Variants in ANKRD34B observed in about 807,000 individuals in gnomAD.
ANKRD34B encodes the protein ankyrin repeat domain-containing protein 34B.
Under a neutral mutation model 4.4 loss-of-function variants are expected in ANKRD34B, and 2 were observed. The ratio of observed to expected loss-of-function variants is 0.46; its 90% CI spans 0.19 to 1.44. ANKRD34B has a LOEUF of 1.44. Ranked by LOEUF, ANKRD34B falls within the 40% of genes most tolerant of loss-of-function variation. The pLI is 0.26. For synonymous variants in ANKRD34B, 226 were observed against 227.1 expected, an observed-to-expected ratio of 0.99 and a Z score of 0.05; for missense variants, 558 against 604.7, an observed-to-expected ratio of 0.92 and a Z score of 0.81.
In ANKRD34B at chr5:80,558,570, C is replaced by T; in HGVS notation, c.1450G>A (p.Val484Ile). The T allele has an allele frequency of 4.3e-6, 7 of 1,614,084 alleles. No individual in the cohort carries two copies. Among genetic ancestry groups the T allele is most frequent in the Middle Eastern group, 1.6e-4 (1 of 6,062 alleles). The change falls in exon 5 of 5, where the codon GTT (valine) becomes ATT (isoleucine). Residue 484 changes from valine to isoleucine, a missense_variant. Physicochemically the swap from Val to Ile is conservative, Grantham distance 29. Transcript: ENST00000338682. ...SCGQKVLMPT[V>I]PIFPKEFKSK... ...TTGAATTCTTTAGGGAAAATCGGAA[C>T]TGTTGGCATAAGCACTTTTTGACCA... is the stretch of plus-strand genomic sequence containing the variant.
Position 80,564,850 on chromosome 5 carries a change from T to C in ANKRD34B, c.-104-1035A>G, listed in dbSNP as rs545203469. Among the ~76,000 whole-genome samples the C allele has an allele frequency of 9.2e-5, 14 of 152,068 alleles. 1 individual carries two copies. Among genetic ancestry groups the C allele is most frequent in the African/African-American group, 3.1e-4 (13 of 41,488 alleles). On this transcript the variant is annotated intron_variant, in intron 3 of 4. Transcript: ENST00000338682. The stretch of plus-strand genomic sequence containing the variant: ...CCTCTGGAGTAGCTGGGATTACAGG[T>C]GTGTGCCACCACACCCAGCTAATTT...
chr5:80,567,637 G>GAAAAAAAAAAAAAAAAAAAAA (rs3045875), intron 2 of ANKRD34B, among the ~76,000 whole-genome samples: 1 of 91,698 alleles, frequency 1.1e-5, no homozygotes, highest in Non-Finnish European at 2.2e-5. Context: ...AAAAAAAAAA[G>GAAAAAAAAAAAAAAAAAAAAA]AAAAGAAAAG....
At position 80,559,603 on chromosome 5, in the gene ANKRD34B, A is replaced by G. The variant is rs1404791294; in HGVS notation, c.417T>C (p.Ser139=). ...EDTETLKVLL[S]ACKAKGKEVI... is the part of the protein sequence containing the mutation. The stretch of plus-strand genomic sequence containing the variant: ...CCTCTTTCCCTTTTGCCTTGCAAGC[A>G]CTAAGAAGAACTTTCAGGGTCTCTG... The change falls in exon 5 of 5, where the codon AGT becomes AGC. Residue 139 remains serine (S), a synonymous_variant. Coordinates refer to ENST00000338682, the MANE Select transcript of ANKRD34B (RefSeq NM_001004441.3). 3 of 1,614,226 alleles carry G rather than the reference A, an allele frequency of 1.9e-6. No homozygotes were observed. Among genetic ancestry groups the G allele is most frequent in the Non-Finnish European group, 2.5e-6 (3 of 1,180,050 alleles).
At chr5:80,565,469 C>G (rs1746537082) in intron 3 of ANKRD34B, among the ~76,000 whole-genome samples, 1 of 152,338 alleles carries the variant, frequency 6.6e-6, no homozygotes, top group East Asian at 1.9e-4. Context: ...AGGCATCCGA[C>G]AGGTGTCAAT....
chr5:80,566,212 C>T (rs1163183880), intron 3 of ANKRD34B, among the ~76,000 whole-genome samples: 1 of 152,074 alleles, frequency 6.6e-6, no homozygotes, highest in Non-Finnish European at 1.5e-5. Flanking sequence ...GAGGAGGCTG[C>T]AGGACATAGA....
intron 3 of ANKRD34B, among the ~76,000 whole-genome samples, chr5:80,566,150 C>A (rs1429746598): frequency 2.0e-5 from 3 of 152,056 alleles, no homozygotes; most frequent in Non-Finnish European, 4.4e-5. Flanking sequence ...CAATTTCAAA[C>A]AAGCTCTGGA....
At chr5:80,560,661 TA>T (rs1211972598) in intron 4 of ANKRD34B, among the ~76,000 whole-genome samples, 2 of 151,900 alleles carry the variant, frequency 1.3e-5, no homozygotes, top group Admixed American at 6.6e-5. Context: ...AACCTGTCTC[TA>T]AAAAAAATTA....
chr5:80,570,029 G>A (rs1040620196), intron 1 of ANKRD34B, 125 bp downstream of exon 1: 7 of 152,412 alleles, frequency 4.6e-5, no homozygotes, highest in African/African-American at 1.7e-4. Flanking sequence ...CACCGGGCAG[G>A]GAGCACTGAG....
intron 1 of ANKRD34B, 40 bp from the exon 2 acceptor site, chr5:80,569,147 CTCCAGGGCACCGATGGGG>C (rs1746677341): frequency 2.6e-5 from 4 of 152,426 alleles, no homozygotes; most frequent in African/African-American, 7.2e-5. Flanking sequence ...GGGGCGACAG[CTCCAGGGCACCGATGGGG>C]GCGGGGTGCG....
At position 80,559,008 on chromosome 5, in the gene ANKRD34B, C is replaced by T; in HGVS notation, c.1012G>A (p.Val338Ile). The T allele has an allele frequency of 6.2e-7, 1 of 1,614,196 alleles. No individual in the cohort carries two copies. The highest frequency in any genetic ancestry group is 1.3e-5 in the African/African-American group (1 of 75,048). The change falls in exon 5 of 5, where the codon GTC (valine) becomes ATC (isoleucine). Residue 338 changes from valine to isoleucine, a missense_variant. By Grantham distance (29) the Val-to-Ile change is conservative. Transcript: ENST00000338682. The stretch of plus-strand genomic sequence containing the variant: ...GAATCTGGGTCCTGGTCAACAGGGA[C>T]TTCAATGCATTGCTGATTTCCTTCT... ...LSEGNQQCIE[V>I]PVDQDPDSNQ...
chr5:80,568,492 G>A (rs1746642347), intron 2 of ANKRD34B, among the ~76,000 whole-genome samples: 1 of 152,162 alleles, frequency 6.6e-6, no homozygotes, highest in African/African-American at 2.4e-5. Context: ...GAGGTTTGCT[G>A]CCCTGCCTTT....
intron 2 of ANKRD34B, 39 bp downstream of exon 2, chr5:80,568,921 C>CAGAG (rs1414177718): frequency 4.1e-4 from 22 of 53,554 alleles, no homozygotes; most frequent in East Asian, 1.3e-3. Flanking sequence ...CACACACACA[C>CAGAG]ACACAGAGAG....
Position 80,559,701 on chromosome 5 carries a change from T to A in ANKRD34B, c.319A>T (p.Ser107Cys). The A allele has an allele frequency of 6.2e-7, 1 of 1,614,222 alleles. No individual in the cohort carries two copies. The highest frequency in any genetic ancestry group is 8.5e-7 in the Non-Finnish European group (1 of 1,180,048). ...GPEVVSLLLK[S>C]GADLSLQDHS... Reference sequence around the variant, plus strand: ...TCTTGCAAGCTGAGGTCAGCCCCACTCTTGAGGAGCAAGGAAACAACTTCA... The same window carrying A: ...TCTTGCAAGCTGAGGTCAGCCCCACACTTGAGGAGCAAGGAAACAACTTCA... Residue 107 changes from serine (S) to cysteine (C), a missense_variant, in exon 5 of 5, where the codon AGT becomes TGT. By Grantham distance (112) the Ser-to-Cys change is moderately radical. Transcript: ENST00000338682.
intron 4 of ANKRD34B, among the ~76,000 whole-genome samples, chr5:80,563,485 A>C (rs1746465448): frequency 6.6e-6 from 1 of 152,214 alleles, no homozygotes; most frequent in Non-Finnish European, 1.5e-5. Flanking sequence ...CTTCCTTTTA[A>C]AAGAGTCATT....
Position 80,557,353 on chromosome 5 carries a change from G to GA in ANKRD34B, c.*1121_*1122insT, listed in dbSNP as rs1334954551. On this transcript the variant is annotated 3_prime_UTR_variant, in exon 5 of 5. Coordinates refer to ENST00000338682, the MANE Select transcript of ANKRD34B (RefSeq NM_001004441.3). ...CTAAATGATTGGAATGTCACACTAA[G>GA]GAAGTTATCCTTAATATATAAATGT... 6.6e-6 allele frequency: 1 copy of GA among 151,904 alleles called. No homozygotes were observed. Among genetic ancestry groups the GA allele is most frequent in the Non-Finnish European group, 1.5e-5 (1 of 67,928 alleles). 9.4% of individuals were successfully genotyped at this position (151,904 alleles called of 1,614,324 possible). A position where few individuals can be genotyped will look rare whatever the true frequency, so the allele number is the denominator to read the frequency against.
At chr5:80,562,701 C>T (rs1746440421) in intron 4 of ANKRD34B, among the ~76,000 whole-genome samples, 1 of 152,190 alleles carries the variant, frequency 6.6e-6, no homozygotes, top group Non-Finnish European at 1.5e-5. Flanking sequence ...TAGTAGAGAA[C>T]TTTTGAAATT....
chr5:80,561,374 T>TA lies in ANKRD34B; in HGVS notation c.-23-1333dup, dbSNP rs570134021. 3.0e-3 allele frequency among the ~76,000 whole-genome samples: 461 copies of TA among 152,294 alleles called. 4 individuals carry two copies. Among genetic ancestry groups the TA allele is most frequent in the African/African-American group, 0.011 (439 of 41,548 alleles). Reference sequence around the variant, plus strand: ...AAAACTATTGTTTATTCTACCTATTTACTTTTAAAATTAAGATTATGGGAA... The same window carrying TA: ...AAAACTATTGTTTATTCTACCTATTTAACTTTTAAAATTAAGATTATGGGAA... On this transcript the variant is annotated intron_variant, in intron 4 of 4. Coordinates refer to ENST00000338682, the MANE Select transcript of ANKRD34B (RefSeq NM_001004441.3).
chr5:80,562,964 C>T (rs1254869273), intron 4 of ANKRD34B, among the ~76,000 whole-genome samples: 1 of 151,222 alleles, frequency 6.6e-6, no homozygotes, highest in Non-Finnish European at 1.5e-5. Context: ...CTGAAAAAAG[C>T]AACTTGGAGG....
Position 80,558,549 on chromosome 5 carries a change from A to C in ANKRD34B, c.1471T>G (p.Phe491Val), listed in dbSNP as rs372437033. Reference sequence around the variant, plus strand: ...CTTAACAACATTTTCTTACTTTTGAATTCTTTAGGGAAAATCGGAACTGTT... The same window carrying C: ...CTTAACAACATTTTCTTACTTTTGACTTCTTTAGGGAAAATCGGAACTGTT... The part of the protein sequence containing the change: ...MPTVPIFPKE[F>V]KSKKMLLRRQ... Residue 491 changes from phenylalanine (F) to valine (V), a missense_variant, in exon 5 of 5, where the codon TTC becomes GTC. Physicochemically the swap from Phe to Val is conservative, Grantham distance 50. Coordinates refer to ENST00000338682, the MANE Select transcript of ANKRD34B (RefSeq NM_001004441.3). The C allele has an allele frequency of 6.2e-7, 1 of 1,613,950 alleles. No homozygotes were observed. Among genetic ancestry groups the C allele is most frequent in the Admixed American group, 1.7e-5 (1 of 59,988 alleles).
Sources: allele counts gnomAD v4.1 joint callset (sites outside exome capture counted in the v4.1 genomes callset), GRCh38; gene constraint gnomAD v4.1.1; transcripts MANE v1.5; gene names NCBI Gene and HGNC (gene_info 2026-07-23, HGNC 2026-07-21).